TARM1: variants seen among roughly 807,000 people sequenced by gnomAD.
The protein encoded by TARM1 is T cell-interacting, activating receptor on myeloid cells 1, also known as T-cell-interacting, activating receptor on myeloid cells protein 1.
In TARM1, 24 loss-of-function variants were observed where a neutral mutation model predicts 30.4. That is an observed-to-expected ratio of 0.79 (90% CI 0.57 to 1.11). The LOEUF (loss-of-function observed/expected upper bound fraction) is 1.11. Among genes scored for constraint, TARM1 ranks in the 50% least tolerant of loss-of-function variants. TARM1 has a pLI of 0.00. For synonymous variants in TARM1, 129 were observed against 138.9 expected (o/e 0.93, Z 0.50); for missense variants, 323 against 332.8 (o/e 0.97, Z 0.23).
intron 1 of TARM1, among the ~76,000 whole-genome samples, chr19:54,080,544 G>A (rs1302512629): frequency 2.9e-5 from 4 of 138,826 alleles, no homozygotes; most frequent in Admixed American, 7.3e-5. Context: ...GGAAGGAAGG[G>A]AAGGAGAAAA....
intron 2 of TARM1, 135 bp from the exon 3 acceptor site, chr19:54,075,249 G>A: frequency 1.3e-6 from 1 of 750,942 alleles, no homozygotes; most frequent in South Asian, 2.9e-5. Flanking sequence ...GTGCAGTGGT[G>A]CAATCTCAGT....
At chr19:54,080,496 G>GAGGAAGGAAGGAAGGAAGGA (rs58067817) in intron 1 of TARM1, among the ~76,000 whole-genome samples, 57 of 107,416 alleles carry the variant, frequency 5.3e-4, no homozygotes, top group South Asian at 7.5e-4. Context: ...GGAAGGAAGG[G>GAGGAAGGAAGGAAGGAAGGA]AGGAAGGAAG....
At chr19:54,076,363 T>C in intron 1 of TARM1, 1 of 779,766 alleles carries the variant, frequency 1.3e-6, no homozygotes, top group African/African-American at 1.8e-5. Context: ...TCATTCTTTC[T>C]TTCTTTCATT....
chr19:54,081,272 T>C lies in TARM1; in HGVS notation c.34+35A>G, dbSNP rs774007740. 14 of 1,546,590 alleles carry C rather than the reference T, an allele frequency of 9.1e-6. No homozygotes were observed. In the African/African-American group the frequency reaches 1.4e-4, roughly 15 times the overall value. On this transcript the variant is annotated intron_variant, in intron 1 of 4. Transcript: ENST00000432826. ...AACTATCCCACCAGTTCCATGATTT[T>C]CTGCAGTCCCAGTGGATAGCCCTGT...
chr19:54,078,989 G>C, intron 1 of TARM1, among the ~76,000 whole-genome samples: 1 of 150,230 alleles, frequency 6.7e-6, no homozygotes, highest in East Asian at 2.0e-4. Flanking sequence ...GGACACGGTG[G>C]CTCACGCCTG....
chr19:54,075,743 A>C, intron 2 of TARM1, 140 bp downstream of exon 2: 1 of 925,104 alleles, frequency 1.1e-6, no homozygotes, highest in South Asian at 1.6e-5. Context: ...CTGTAAGCCG[A>C]GATTGCACCA....
intron 3 of TARM1, 145 bp from the exon 4 acceptor site, chr19:54,074,361 C>A (rs779974269): frequency 1.2e-6 from 1 of 800,440 alleles, no homozygotes; most frequent in Non-Finnish European, 1.9e-6. Flanking sequence ...CCTACTCCGA[C>A]CCCAGGACAG....
intron 1 of TARM1, among the ~76,000 whole-genome samples, chr19:54,080,120 G>GA (rs2072069877): frequency 0.018 from 486 of 27,630 alleles, 35 homozygotes; most frequent in African/African-American, 0.028. Flanking sequence ...AGGAAGGAAG[G>GA]AAGGAAGGAA....
intron 1 of TARM1, among the ~76,000 whole-genome samples, chr19:54,077,682 G>C (rs192551849): frequency 3.3e-5 from 5 of 150,186 alleles, no homozygotes; most frequent in Admixed American, 6.6e-5. Flanking sequence ...ATCCATGGAA[G>C]AATGGATAAA....
At chr19:54,080,096 G>A (rs147327127) in intron 1 of TARM1, among the ~76,000 whole-genome samples, 20,914 of 39,136 alleles carry the variant, frequency 0.53, 4,561 homozygotes, top group Middle Eastern at 0.7. Context: ...AGAAAGAAAG[G>A]AAGGAAGGAA....
chr19:54,070,034 G>A lies in TARM1; in HGVS notation c.785C>T (p.Pro262Leu). The A allele has an allele frequency of 6.4e-7, 1 of 1,551,566 alleles. No homozygotes were observed. Among genetic ancestry groups the A allele is most frequent in the African/African-American group, 1.4e-5 (1 of 73,132 alleles). Reference sequence around the variant, plus strand: ...TGGTTTGAAGGCCTCTGATTCACCTGGAGACACATTCCGGCTGTACCAGGC... The same window carrying A: ...TGGTTTGAAGGCCTCTGATTCACCTAGAGACACATTCCGGCTGTACCAGGC... The part of the protein sequence containing the change: ...VEAWYSRNVS[P>L]GESEAFKPE Residue 262 changes from proline to leucine, a missense_variant, in exon 5 of 5, where the codon CCA (proline) becomes CTA (leucine). Transcript: ENST00000432826.
Position 54,074,961 on chromosome 19 carries a change from G to A in TARM1, c.224C>T (p.Ser75Phe). Residue 75 changes from serine (S) to phenylalanine (F), a missense_variant, in exon 3 of 5, where the codon TCT becomes TTT. Ser to Phe is a radical substitution (Grantham distance 155, BLOSUM62 -2). Coordinates refer to ENST00000432826, the MANE Select transcript of TARM1 (RefSeq NM_001135686.3). The part of the protein sequence containing the change: ...IILESPKPLD[S>F]TEGAAEFHLN... ...GTGAAATTCGGCCGCGCCCTCTGTAGAATCAAGGGGCTTCGGGGACTCCAG... is the reference window on the plus strand; with the variant it reads ...GTGAAATTCGGCCGCGCCCTCTGTAAAATCAAGGGGCTTCGGGGACTCCAG... 2 of 1,551,560 alleles carry A rather than the reference G, an allele frequency of 1.3e-6. No individual in the cohort carries two copies. The highest frequency in any genetic ancestry group is 2.7e-5 in the African/African-American group (2 of 73,126).
At chr19:54,077,078 G>C (rs1222728889) in intron 1 of TARM1, among the ~76,000 whole-genome samples, 1 of 151,930 alleles carries the variant, frequency 6.6e-6, no homozygotes, top group African/African-American at 2.4e-5. Flanking sequence ...GACAGGGCTG[G>C]GCTGGTTAAG....
rs768703108 is a variant in TARM1, at chr19:54,070,095, C to G, written c.724G>C (p.Val242Leu). ...AAAGCTCCCATGATAACCACAATTA[C>G]GGCAGCCAGACCCAGTCGTACGAAG... ...GNFVRLGLAAVIVVIMGAFLV... is the reference protein window; with the variant it reads ...GNFVRLGLAALIVVIMGAFLV... Residue 242 changes from valine (V) to leucine (L), a missense_variant, in exon 5 of 5, where the codon GTA becomes CTA. Physicochemically the swap from Val to Leu is conservative, Grantham distance 32 (BLOSUM62 1). Transcript: ENST00000432826. 6.4e-7 allele frequency: 1 copy of G among 1,551,490 alleles called. No homozygotes were observed. Among genetic ancestry groups the G allele is most frequent in the East Asian group, 2.4e-5 (1 of 40,928 alleles).
Position 54,073,929 on chromosome 19 carries a change from A to G in TARM1, c.649T>C (p.Leu217=), listed in dbSNP as rs1301428140. 14 of 1,551,300 alleles carry G rather than the reference A, an allele frequency of 9.0e-6. No individual in the cohort carries two copies. Among genetic ancestry groups the G allele is most frequent in the East Asian group, 4.9e-5 (2 of 40,918 alleles). The change falls in exon 4 of 5, where the codon TTG becomes CTG. Residue 217 remains leucine (L), a synonymous_variant. Transcript: ENST00000432826. The part of the protein sequence containing the change: ...ASEPSDQLEI[L]VTVPPGTTSS... ...CCATACACGCCCTTACCTGTCACCA[A>G]TATCTCAAGCTGATCACTGGGTTCT...
At chr19:54,076,098 C>T (rs2071944065) in intron 1 of TARM1, 180 bp from the exon 2 acceptor site, 10 of 1,462,436 alleles carry the variant, frequency 6.8e-6, no homozygotes, top group African/African-American at 1.4e-5. Flanking sequence ...CCAGCTCCTC[C>T]ATCCTTTCCC....
intron 1 of TARM1, among the ~76,000 whole-genome samples, chr19:54,080,047 A>G (rs117152677): frequency 1.5e-5 from 2 of 134,534 alleles, no homozygotes; most frequent in Non-Finnish European, 3.2e-5. Flanking sequence ...GAAGGAAGGA[A>G]GGGAAAGAGA....
At chr19:54,070,719 T>C (rs1380185811) in intron 4 of TARM1, among the ~76,000 whole-genome samples, 3 of 151,342 alleles carry the variant, frequency 2.0e-5, no homozygotes, top group Non-Finnish European at 4.4e-5. Context: ...TTCAAGTGAT[T>C]CTCCTGTCTC....
Position 54,076,572 on chromosome 19 carries a change from A to G in TARM1, c.35-654T>C, listed in dbSNP as rs113139494. On this transcript the variant is annotated intron_variant, in intron 1 of 4. Coordinates refer to ENST00000432826, the MANE Select transcript of TARM1 (RefSeq NM_001135686.3). The stretch of plus-strand genomic sequence containing the variant: ...GAGACAGGGTTTCACCATATTGGCC[A>G]GGCTGGTCTCGAACTCCTGACCTCA... 1,480 of 200,202 alleles carry G rather than the reference A, an allele frequency of 7.4e-3. 24 individuals are homozygous for G. Among genetic ancestry groups the G allele is most frequent in the African/African-American group, 0.031 (1,363 of 43,370 alleles). The allele number at this position is 200,202 out of a possible 1,614,324, so 12.4% of individuals were successfully genotyped here. A position where few individuals can be genotyped will look rare whatever the true frequency, so the allele number is the denominator to read the frequency against.
Sources: allele counts gnomAD v4.1 joint callset (sites outside exome capture counted in the v4.1 genomes callset), GRCh38; gene constraint gnomAD v4.1.1; transcripts MANE v1.5; gene names NCBI Gene and HGNC (gene_info 2026-07-23, HGNC 2026-07-21).